FGF7: variants seen among roughly 807,000 people sequenced by gnomAD.
The protein encoded by FGF7 is fibroblast growth factor 7.
Under a neutral mutation model 20.5 loss-of-function variants are expected in FGF7, and 6 were observed. The ratio of observed to expected loss-of-function variants is 0.29; its 90% CI spans 0.16 to 0.58. The LOEUF (loss-of-function observed/expected upper bound fraction) is 0.58, where lower values mean the gene tolerates loss of function less well. Ranked by LOEUF, FGF7 falls within the 20% of genes least tolerant of loss-of-function variation. The pLI, the probability that FGF7 is intolerant of heterozygous loss-of-function variation, is 0.90. For synonymous variants in FGF7, 64 were observed against 74.7 expected, an observed-to-expected ratio of 0.86 and a Z score of 0.74; for missense variants, 144 against 228.8, an observed-to-expected ratio of 0.63 and a Z score of 2.39.
intron 2 of FGF7, among the ~76,000 whole-genome samples, chr15:49,438,330 C>A (rs748976572): frequency 1.3e-5 from 2 of 151,684 alleles, no homozygotes; most frequent in Non-Finnish European, 3.0e-5. Flanking sequence ...AAAAATTTAA[C>A]CTTTCTTACC....
At position 49,424,134 on chromosome 15, in the gene FGF7, C is replaced by G; in HGVS notation, c.-164C>G. The G allele has an allele frequency of 1.8e-6, 1 of 567,002 alleles. No homozygotes were observed. The highest frequency in any genetic ancestry group is 3.1e-6 in the Non-Finnish European group (1 of 324,040). 35.1% of individuals were successfully genotyped at this position (567,002 alleles called of 1,614,324 possible). A position where few individuals can be genotyped will look rare whatever the true frequency, so the allele number is the denominator to read the frequency against. On this transcript the variant is annotated 5_prime_UTR_variant, in exon 2 of 4. It adds an upstream start codon to the 5' untranslated region. Coordinates refer to ENST00000267843, the MANE Select transcript of FGF7 (RefSeq NM_002009.4). ...TTAAGGAGGAATCCTGTGTTGTTAT[C>G]AGGAACTAAAAGGATAAGGCTAACA...
At chr15:49,482,070 G>T (rs1262208413) in intron 2 of FGF7, among the ~76,000 whole-genome samples, 1 of 152,066 alleles carries the variant, frequency 6.6e-6, no homozygotes, top group Non-Finnish European at 1.5e-5. Context: ...GTTTTTGAAG[G>T]CCCAATCACA....
chr15:49,456,433 G>T (rs1401223978), intron 2 of FGF7, among the ~76,000 whole-genome samples: 1 of 152,104 alleles, frequency 6.6e-6, no homozygotes, highest in Non-Finnish European at 1.5e-5. Flanking sequence ...AATGTAAAAT[G>T]TAATGCTATG....
chr15:49,476,105 G>C (rs1397416990), intron 2 of FGF7, among the ~76,000 whole-genome samples: 1 of 151,546 alleles, frequency 6.6e-6, no homozygotes, highest in East Asian at 1.9e-4. Flanking sequence ...TTCTACCTAT[G>C]TCAACTCTAT....
At chr15:49,471,588 T>C (rs2054772784) in intron 2 of FGF7, among the ~76,000 whole-genome samples, 1 of 151,668 alleles carries the variant, frequency 6.6e-6, no homozygotes, top group Admixed American at 6.6e-5. Context: ...TGTAGAGTAC[T>C]GAACATAGTT....
chr15:49,425,362 T>C (rs968695445), intron 2 of FGF7: 2 of 152,004 alleles, frequency 1.3e-5, no homozygotes, highest in African/African-American at 4.8e-5. Flanking sequence ...TGTTAAAATA[T>C]CAGGGTTGTG....
intron 2 of FGF7, among the ~76,000 whole-genome samples, chr15:49,433,847 T>G (rs1054366883): frequency 2.0e-5 from 3 of 151,724 alleles, no homozygotes; most frequent in Non-Finnish European, 4.4e-5. Flanking sequence ...AAAAAAACAG[T>G]AATTCATAGT....
intron 2 of FGF7, among the ~76,000 whole-genome samples, chr15:49,458,763 CCTGT>C (rs1023639882): frequency 3.3e-5 from 5 of 152,036 alleles, no homozygotes; most frequent in Non-Finnish European, 5.9e-5. Flanking sequence ...TTCCTAAAAT[CCTGT>C]CTTTTAGAAA....
intron 2 of FGF7, among the ~76,000 whole-genome samples, chr15:49,478,797 G>T (rs1756972023): frequency 1.3e-5 from 2 of 152,040 alleles, no homozygotes; most frequent in South Asian, 4.2e-4. Context: ...AGATTGGTGG[G>T]CATGGATTCT....
chr15:49,437,293 C>G (rs908230156), intron 2 of FGF7, among the ~76,000 whole-genome samples: 1 of 151,462 alleles, frequency 6.6e-6, no homozygotes, highest in African/African-American at 2.4e-5. Context: ...CAAAGCAACA[C>G]AAAAACAAAT....
intron 2 of FGF7, among the ~76,000 whole-genome samples, chr15:49,444,572 A>G (rs1477041200): frequency 6.6e-6 from 1 of 151,720 alleles, no homozygotes; most frequent in African/African-American, 2.4e-5. Flanking sequence ...GTGAGAGAAC[A>G]TAAGGTTTAT....
rs2056381445 is a variant in FGF7, at chr15:49,486,076, T to A, written c.*1572T>A. On this transcript the variant is annotated 3_prime_UTR_variant, in exon 4 of 4. Transcript: ENST00000267843. ...GCAGATCTTGGTAGCACTTTATATG[T>A]TCACCAATGGGAGGTCAATATTTAT... 1 of 152,030 alleles carries A rather than the reference T, an allele frequency of 6.6e-6. No homozygotes were observed. The highest frequency in any genetic ancestry group is 1.5e-5 in the Non-Finnish European group (1 of 67,944). The allele number at this position is 152,030 out of a possible 1,614,324, so 9.4% of individuals were successfully genotyped here.
intron 2 of FGF7, among the ~76,000 whole-genome samples, chr15:49,462,837 A>G (rs1051362364): frequency 1.3e-5 from 2 of 152,192 alleles, no homozygotes; most frequent in East Asian, 3.8e-4. Context: ...CTGAAAGATT[A>G]TTGATAAATT....
At chr15:49,463,279 C>A (rs1254082412) in intron 2 of FGF7, among the ~76,000 whole-genome samples, 1 of 152,186 alleles carries the variant, frequency 6.6e-6, no homozygotes, top group South Asian at 2.1e-4. Flanking sequence ...TTCGGCCAGG[C>A]ACAGTGGCTC....
At chr15:49,460,600 A>G (rs2053704829) in intron 2 of FGF7, among the ~76,000 whole-genome samples, 1 of 152,228 alleles carries the variant, frequency 6.6e-6, no homozygotes, top group Non-Finnish European at 1.5e-5. Context: ...AATCCCAAAA[A>G]TGTTCTAGCA....
intron 2 of FGF7, among the ~76,000 whole-genome samples, chr15:49,436,754 C>T (rs2051143047): frequency 6.6e-6 from 1 of 151,474 alleles, no homozygotes; most frequent in Non-Finnish European, 1.5e-5. Flanking sequence ...GGTTTAACTC[C>T]AAAGCACAGC....
At chr15:49,429,205 G>A (rs966875767) in intron 2 of FGF7, among the ~76,000 whole-genome samples, 2 of 151,894 alleles carry the variant, frequency 1.3e-5, no homozygotes, top group East Asian at 1.9e-4. Flanking sequence ...CTACGCAGTC[G>A]AACCAAAATC....
At chr15:49,433,577 C>T (rs1402433315) in intron 2 of FGF7, among the ~76,000 whole-genome samples, 1 of 151,616 alleles carries the variant, frequency 6.6e-6, no homozygotes. Context: ...CCCTCTCATT[C>T]TCTATCACTA....
chr15:49,469,911 T>C (rs916127549), intron 2 of FGF7, among the ~76,000 whole-genome samples: 1 of 152,024 alleles, frequency 6.6e-6, no homozygotes, highest in East Asian at 1.9e-4. Flanking sequence ...ATGGAGAAAA[T>C]GTAAATCCAC....
Sources: gnomAD v4.1 joint callset for allele counts (sites outside exome capture counted in the v4.1 genomes callset) on GRCh38, gnomAD v4.1.1 for gene constraint, MANE v1.5 for transcripts, NCBI Gene and HGNC (gene_info 2026-07-23, HGNC 2026-07-21) for gene names.